CNTNAP3: variants seen among roughly 807,000 people sequenced by gnomAD.
CNTNAP3 encodes the protein contactin associated protein family member 3, also known as contactin-associated protein-like 3.
Under a neutral mutation model 92.1 loss-of-function variants are expected in CNTNAP3, and 36 were observed. The observed-to-expected ratio is 0.39, with a 90% CI of 0.30 to 0.52. The LOEUF (loss-of-function observed/expected upper bound fraction) is 0.52. CNTNAP3 is among the 20% of genes least tolerant of loss of function. The pLI is 0.76. For missense variants in CNTNAP3, 534 were observed against 1,069.6 expected (o/e 0.50, Z 6.98); for synonymous variants, 232 against 422.3 (o/e 0.55, Z 5.53).
intron 13 of CNTNAP3, among the ~76,000 whole-genome samples, chr9:39,128,574 T>C (rs1445867838): frequency 6.6e-6 from 1 of 151,848 alleles, no homozygotes; most frequent in Admixed American, 6.6e-5. Flanking sequence ...TACCTCCACA[T>C]AACATAGGAA....
intron 14 of CNTNAP3, among the ~76,000 whole-genome samples, chr9:39,111,387 A>T (rs147588730): frequency 0.039 from 5,865 of 152,310 alleles, 164 homozygotes; most frequent in Non-Finnish European, 0.061. Flanking sequence ...ATTATTTAAG[A>T]TTATTCCCTG....
chr9:39,149,506 C>T (rs556042670), intron 10 of CNTNAP3, among the ~76,000 whole-genome samples: 3,730 of 144,896 alleles, frequency 0.026, 80 homozygotes, highest in Non-Finnish European at 0.04. Context: ...GCCGCCACCA[C>T]GCCTGGCTAA....
Position 39,254,976 on chromosome 9 carries a change from C to T in CNTNAP3, c.196+11920G>A, listed in dbSNP as rs1349838722. Among the ~76,000 whole-genome samples, 4 of 19,900 alleles carry T rather than the reference C, an allele frequency of 2.0e-4. 2 individuals are homozygous for T. Among genetic ancestry groups the T allele is most frequent in the Non-Finnish European group, 4.5e-4 (4 of 8,840 alleles). The allele number at this position is 19,900 out of a possible 152,430, so 13.1% of individuals were successfully genotyped here. The stretch of plus-strand genomic sequence containing the variant: ...CACCTGACGGTCCCCTCCCCTGCAC[C>T]GTGGGCTGCCATAACCTAATTTAAC... On this transcript the variant is annotated intron_variant, in intron 2 of 23. Coordinates refer to ENST00000297668, the MANE Select transcript of CNTNAP3 (RefSeq NM_033655.5).
chr9:39,130,955 C>A (rs1821279142), intron 13 of CNTNAP3, among the ~76,000 whole-genome samples: 1 of 152,054 alleles, frequency 6.6e-6, no homozygotes, highest in African/African-American at 2.4e-5. Flanking sequence ...TCTGTTACTT[C>A]TCACAAGTGT....
intron 23 of CNTNAP3, among the ~76,000 whole-genome samples, chr9:39,076,626 A>C (rs1203246579): frequency 6.6e-6 from 1 of 152,308 alleles, no homozygotes; most frequent in Non-Finnish European, 1.5e-5. Flanking sequence ...CAACTAGTTT[A>C]CTCTTGTATG....
intron 21 of CNTNAP3, among the ~76,000 whole-genome samples, chr9:39,080,329 C>A (rs1825902047): frequency 7.3e-6 from 1 of 137,616 alleles, no homozygotes. Flanking sequence ...TGTCTGACAA[C>A]ACTGGCCTGG....
rs1825668593 is a variant in CNTNAP3, at chr9:39,073,227, T to G, written c.*663A>C. On this transcript the variant is annotated 3_prime_UTR_variant, in exon 24 of 24. Transcript: ENST00000297668. ...AAAAACAGTCAATTAGAAAAAGCAA[T>G]ACACCAAAAATAATGGTAGTGTTTC... is the stretch of plus-strand genomic sequence containing the variant. 1 of 159,216 alleles carries G rather than the reference T, an allele frequency of 6.3e-6. No individual in the cohort carries two copies. The highest frequency in any genetic ancestry group is 2.4e-5 in the African/African-American group (1 of 41,500). 9.9% of individuals were successfully genotyped at this position (159,216 alleles called of 1,614,324 possible). A position where few individuals can be genotyped will look rare whatever the true frequency, so the allele number is the denominator to read the frequency against.
rs2118338839 is a variant in CNTNAP3, at chr9:39,070,430, A to G, written c.*3460T>C. 7.0e-6 allele frequency among the ~76,000 whole-genome samples: 1 copy of G among 143,752 alleles called. No individual in the cohort carries two copies. Among genetic ancestry groups the G allele is most frequent in the African/African-American group, 2.6e-5 (1 of 37,828 alleles). 94.3% of individuals were successfully genotyped at this position (143,752 alleles called of 152,430 possible). ...CAGGCATAGAAAGACAAACATTGCC[A>G]TGTTCTCATTTATTTGTGGGATCTA... On this transcript the variant is annotated 3_prime_UTR_variant, in exon 24 of 24. Transcript: ENST00000297668.
At position 39,092,295 on chromosome 9, in the gene CNTNAP3, T is replaced by C. The variant is rs1017615130; in HGVS notation, c.2996-3648A>G. ...TTCCTGTTTCTCCTTACATTAGATT[T>C]AGTTTGCTCTTCTTTTTTCAGTGTC... On this transcript the variant is annotated intron_variant, in intron 18 of 23. Coordinates refer to ENST00000297668, the MANE Select transcript of CNTNAP3 (RefSeq NM_033655.5). Among the ~76,000 whole-genome samples the C allele has an allele frequency of 4.4e-4, 64 of 144,912 alleles. 1 individual carries two copies. The highest frequency in any genetic ancestry group is 2.8e-3 in the Admixed American group (41 of 14,674).
chr9:39,128,385 A>T (rs1821198293), intron 13 of CNTNAP3, among the ~76,000 whole-genome samples: 1 of 152,112 alleles, frequency 6.6e-6, no homozygotes, highest in Non-Finnish European at 1.5e-5. Context: ...TGTATTTTTT[A>T]AATTATACAT....
intron 14 of CNTNAP3, 149 bp from the exon 15 acceptor site, chr9:39,109,436 C>T (rs1826689050): frequency 7.2e-7 from 1 of 1,381,010 alleles, no homozygotes; most frequent in Non-Finnish European, 9.8e-7. Flanking sequence ...CAGAGACTAC[C>T]ATGAATCTAA....
chr9:39,121,513 G>C (rs1821018638), intron 13 of CNTNAP3, among the ~76,000 whole-genome samples: 5 of 152,154 alleles, frequency 3.3e-5, no homozygotes, highest in Admixed American at 3.3e-4. Flanking sequence ...CACAGTTAAA[G>C]TCATAGGGCA....
intron 13 of CNTNAP3, among the ~76,000 whole-genome samples, chr9:39,124,556 C>T (rs1362461153): frequency 6.6e-6 from 1 of 152,070 alleles, no homozygotes; most frequent in Admixed American, 6.5e-5. Flanking sequence ...AAAGAAACTA[C>T]CATCAGAGTG....
chr9:39,105,054 T>C (rs1826565540), intron 15 of CNTNAP3, among the ~76,000 whole-genome samples: 1 of 152,240 alleles, frequency 6.6e-6, no homozygotes, highest in Non-Finnish European at 1.5e-5. Context: ...ATTGAATTTT[T>C]ATTCTGATGG....
chr9:39,129,355 A>T (rs1337358929), intron 13 of CNTNAP3, among the ~76,000 whole-genome samples: 4 of 152,190 alleles, frequency 2.6e-5, no homozygotes, highest in African/African-American at 7.2e-5. Flanking sequence ...TTTTAACAAT[A>T]TTTAAAATGC....
At position 39,068,371 on chromosome 9, in the gene CNTNAP3, G is replaced by A. The variant is rs1429841795; in HGVS notation, c.*5519C>T. 1.3e-5 allele frequency among the ~76,000 whole-genome samples: 2 copies of A among 152,416 alleles called. No homozygotes were observed. On this transcript the variant is annotated 3_prime_UTR_variant, in exon 24 of 24. Transcript: ENST00000297668. ...GCGGAGCTTGCAGTGAGCCAGGATCGCGCCACTGCACTCCAGCCTGAGCGA... is the reference window on the plus strand; with the variant it reads ...GCGGAGCTTGCAGTGAGCCAGGATCACGCCACTGCACTCCAGCCTGAGCGA...
chr9:39,125,785 A>C (rs961630570), intron 13 of CNTNAP3, among the ~76,000 whole-genome samples: 2 of 152,164 alleles, frequency 1.3e-5, no homozygotes, highest in Non-Finnish European at 2.9e-5. Context: ...AAGATATAAT[A>C]ATGCTTAATG....
chr9:39,142,172 C>T (rs1175288329), intron 11 of CNTNAP3, among the ~76,000 whole-genome samples: 1 of 152,140 alleles, frequency 6.6e-6, no homozygotes, highest in Non-Finnish European at 1.5e-5. Context: ...TTAATTGCAA[C>T]ATTAAATGCA....
intron 18 of CNTNAP3, among the ~76,000 whole-genome samples, chr9:39,096,626 T>G (rs1240173792): frequency 6.6e-6 from 1 of 150,746 alleles, no homozygotes; most frequent in Non-Finnish European, 1.5e-5. Context: ...AGTCATCCTG[T>G]GCTACTGAAC....
Sources: gnomAD v4.1 joint callset for allele counts (sites outside exome capture counted in the v4.1 genomes callset) on GRCh38, gnomAD v4.1.1 for gene constraint, MANE v1.5 for transcripts, NCBI Gene and HGNC (gene_info 2026-07-23, HGNC 2026-07-21) for gene names.